The following RAB40C variants were observed in gnomAD, a reference collection of about 807,000 sequenced individuals.
The protein encoded by RAB40C is RAB40C, member RAS oncogene family, also known as ras-related protein Rab-40C.
In RAB40C, 8 loss-of-function variants were observed where a neutral mutation model predicts 28.1. The observed-to-expected ratio is 0.28, with a 90% CI of 0.17 to 0.51. RAB40C has a LOEUF of 0.51. Ranked by LOEUF, RAB40C falls within the 20% of genes least tolerant of loss-of-function variation. The probability of loss-of-function intolerance (pLI) is 0.97; values close to 1 mark genes in which losing one functional copy is unlikely to be tolerated. For synonymous variants in RAB40C, 201 were observed against 171.7 expected, an observed-to-expected ratio of 1.17 and a Z score of -1.34; for missense variants, 288 against 405.9, an observed-to-expected ratio of 0.71 and a Z score of 2.50.
intron 3 of RAB40C, chr16:623,781 T>TA: frequency 5.1e-6 from 1 of 197,356 alleles, no homozygotes; most frequent in Non-Finnish European, 9.1e-6. Context: ...ATCCCATCTC[T>TA]AAAAAATGTT....
chr16:602,673 TCCACCCA>T (rs2036278691), intron 1 of RAB40C, among the ~76,000 whole-genome samples: 1 of 152,132 alleles, frequency 6.6e-6, no homozygotes, highest in East Asian at 1.9e-4. Context: ...CCTCAAGTGA[TCCACCCA>T]CCTCGGCCTC....
chr16:608,062 C>T (rs983911718), intron 1 of RAB40C, among the ~76,000 whole-genome samples: 4 of 152,110 alleles, frequency 2.6e-5, no homozygotes, highest in South Asian at 2.1e-4. Context: ...CCTGTTCTCA[C>T]GCTGCTAGGA....
intron 3 of RAB40C, among the ~76,000 whole-genome samples, chr16:623,228 TA>T (rs1464402628): frequency 6.6e-6 from 1 of 152,250 alleles, no homozygotes; most frequent in Admixed American, 6.5e-5. Context: ...GTCATGCGAA[TA>T]GGGGTGTTTG....
intron 1 of RAB40C, among the ~76,000 whole-genome samples, chr16:595,469 C>T (rs2036094640): frequency 6.6e-6 from 1 of 152,246 alleles, no homozygotes. Flanking sequence ...GCTTCTGCTG[C>T]ACCGCGCACA....
intron 1 of RAB40C, among the ~76,000 whole-genome samples, chr16:604,726 G>A (rs1264071459): frequency 1.3e-5 from 2 of 152,220 alleles, no homozygotes; most frequent in Non-Finnish European, 2.9e-5. Flanking sequence ...TGCCCAGCCT[G>A]GGCAACATAG....
chr16:625,386 C>A, intron 3 of RAB40C, 46 bp from the exon 4 acceptor site: 1 of 1,598,122 alleles, frequency 6.3e-7, no homozygotes. Flanking sequence ...CCTGGGCTGG[C>A]CATGCGTGTC....
intron 1 of RAB40C, among the ~76,000 whole-genome samples, chr16:593,389 G>A (rs1213918122): frequency 6.6e-6 from 1 of 152,262 alleles, no homozygotes; most frequent in Non-Finnish European, 1.5e-5. Flanking sequence ...GGACGTACGT[G>A]TTAACCTCCA....
At position 629,212 on chromosome 16, in the gene RAB40C, C is replaced by T. The variant is rs2036906421; in HGVS notation, c.*1590C>T. 3.9e-6 allele frequency: 1 copy of T among 253,810 alleles called. No individual in the cohort carries two copies. Among genetic ancestry groups the T allele is most frequent in the Non-Finnish European group, 8.1e-6 (1 of 123,046 alleles). 15.7% of individuals were successfully genotyped at this position (253,810 alleles called of 1,614,324 possible). On this transcript the variant is annotated 3_prime_UTR_variant, in exon 6 of 6. Transcript: ENST00000248139. ...CCCGCGCTGCTGTTAGACACTCCGC[C>T]ATTCCTGGTTCTCTCCGAACCGTTC...
chr16:614,304 C>T (rs1216544271), intron 1 of RAB40C, among the ~76,000 whole-genome samples: 1 of 137,020 alleles, frequency 7.3e-6, no homozygotes, highest in Admixed American at 7.3e-5. Context: ...GAACTGCTAA[C>T]TCTGCCACAT....
chr16:615,955 C>G (rs984881629), intron 1 of RAB40C, among the ~76,000 whole-genome samples: 7 of 150,278 alleles, frequency 4.7e-5, no homozygotes, highest in African/African-American at 1.7e-4. Flanking sequence ...GAGTGAGACT[C>G]CATCTCAAAA....
chr16:623,140 C>A (rs1215462425), intron 3 of RAB40C, among the ~76,000 whole-genome samples: 1 of 152,172 alleles, frequency 6.6e-6, no homozygotes, highest in Non-Finnish European at 1.5e-5. Context: ...GGGCCCCCCG[C>A]GTCACAGCAC....
intron 1 of RAB40C, among the ~76,000 whole-genome samples, chr16:607,165 C>T (rs932167620): frequency 2.0e-5 from 3 of 152,202 alleles, no homozygotes; most frequent in Non-Finnish European, 4.4e-5. Context: ...ACAGGTGCCA[C>T]GTCCACTCCC....
At chr16:620,594 A>G (rs2151078113) in intron 3 of RAB40C, among the ~76,000 whole-genome samples, 1 of 151,930 alleles carries the variant, frequency 6.6e-6, no homozygotes, top group South Asian at 2.1e-4. Context: ...GCTGAACCTG[A>G]CAGGCTCCAC....
At chr16:625,190 C>A (rs931066907) in intron 3 of RAB40C, 3 of 1,408,202 alleles carry the variant, frequency 2.1e-6, no homozygotes, top group African/African-American at 2.9e-5. Flanking sequence ...GGAGGGGAAG[C>A]GGCATTTCTG....
intron 1 of RAB40C, among the ~76,000 whole-genome samples, chr16:601,423 G>A (rs1407323954): frequency 6.6e-6 from 1 of 152,110 alleles, no homozygotes; most frequent in South Asian, 2.1e-4. Context: ...TCCAGAGCCC[G>A]GGTCGCCAGG....
rs1010535588 is a variant in RAB40C, at chr16:610,092, G to A, written c.143-7116G>A. ...CTCATACCAGCCCAGCTGGGAGTCCGCTTGCTGAGACTTGGTCTCCTGTAG... is the reference window on the plus strand; with the variant it reads ...CTCATACCAGCCCAGCTGGGAGTCCACTTGCTGAGACTTGGTCTCCTGTAG... On this transcript the variant is annotated intron_variant, in intron 1 of 5. Coordinates refer to ENST00000248139, the MANE Select transcript of RAB40C (RefSeq NM_021168.5). This position sits in a 1 kb window ranked among gnomAD's most constrained non-coding sequence, Gnocchi z 4.6. Among the ~76,000 whole-genome samples the A allele has an allele frequency of 2.6e-5, 4 of 152,326 alleles. No individual in the cohort carries two copies. In the East Asian group the frequency reaches 5.8e-4, roughly 22 times the overall value.
chr16:599,207 C>T (rs540649319), intron 1 of RAB40C, among the ~76,000 whole-genome samples: 4 of 152,386 alleles, frequency 2.6e-5, no homozygotes, highest in Admixed American at 1.3e-4. Context: ...GCCCCGGCCC[C>T]GGCCGAAGCT....
At chr16:611,331 C>T (rs965869773) in intron 1 of RAB40C, among the ~76,000 whole-genome samples, 4 of 152,198 alleles carry the variant, frequency 2.6e-5, no homozygotes, top group African/African-American at 4.8e-5. Context: ...GTGTTGCTGG[C>T]GCCTGCCTGC....
At chr16:619,843 A>G (rs956576910) in intron 3 of RAB40C, among the ~76,000 whole-genome samples, 2 of 152,154 alleles carry the variant, frequency 1.3e-5, no homozygotes, top group African/African-American at 4.8e-5. Context: ...CCATTTCTAC[A>G]CTGAAGTGTA....
Sources: gnomAD v4.1 joint callset for allele counts (sites outside exome capture counted in the v4.1 genomes callset) on GRCh38, gnomAD v4.1.1 for gene constraint, Gnocchi (gnomAD v3.1) non-coding constraint, MANE v1.5 for transcripts, NCBI Gene and HGNC (gene_info 2026-07-23, HGNC 2026-07-21) for gene names.